Variants in ECT2L observed in about 807,000 individuals in gnomAD.
The protein encoded by ECT2L is epithelial cell transforming 2 like.
ECT2L carries 126 observed loss-of-function variants against 122.8 expected under a neutral mutation model. The observed-to-expected ratio is 1.03, with a 90% CI of 0.89 to 1.19. ECT2L has a LOEUF of 1.19. Ranked by LOEUF, ECT2L falls within the 50% of genes most tolerant of loss-of-function variation. The probability of loss-of-function intolerance (pLI) is 0.00; values close to 1 mark genes in which losing one functional copy is unlikely to be tolerated. For synonymous variants in ECT2L, 385 were observed against 381.8 expected (o/e 1.01, Z -0.10); for missense variants, 1,012 against 1,064.1 (o/e 0.95, Z 0.68).
intron 18 of ECT2L, 109 bp downstream of exon 18, chr6:138,885,939 T>C: frequency 1.8e-6 from 2 of 1,127,874 alleles, no homozygotes; most frequent in Non-Finnish European, 2.5e-6. Context: ...TTCTTCGCTT[T>C]AAAGTCTTTC....
chr6:138,821,879 T>C (rs1776279720), intron 4 of ECT2L, among the ~76,000 whole-genome samples: 1 of 152,186 alleles, frequency 6.6e-6, no homozygotes, highest in South Asian at 2.1e-4. Flanking sequence ...CCGAAGAGGC[T>C]CCACTGCTGG....
chr6:138,870,234 A>C (rs913476081), intron 13 of ECT2L: 7 of 152,664 alleles, frequency 4.6e-5, no homozygotes, highest in Admixed American at 2.0e-4. Context: ...TGCTGAAGAA[A>C]TGTGGCAAAA....
intron 5 of ECT2L, among the ~76,000 whole-genome samples, chr6:138,841,581 T>C (rs1583578525): frequency 6.6e-6 from 1 of 152,360 alleles, no homozygotes; most frequent in South Asian, 2.1e-4. Context: ...TGTCCTTTCT[T>C]CCCTGTGAGA....
At chr6:138,898,595 A>ATCT (rs1677859104) in intron 20 of ECT2L, among the ~76,000 whole-genome samples, 12 of 152,206 alleles carry the variant, frequency 7.9e-5, no homozygotes, top group Admixed American at 7.9e-4. Context: ...ATCACCAGAG[A>ATCT]GCTTGCCAGA....
intron 14 of ECT2L, chr6:138,879,506 C>G (rs980478074): frequency 1.3e-5 from 2 of 152,046 alleles, no homozygotes; most frequent in Admixed American, 6.6e-5. Context: ...TAAAGATGCT[C>G]ATTTTATAGC....
intron 4 of ECT2L, among the ~76,000 whole-genome samples, chr6:138,831,211 C>T (rs911067570): frequency 9.2e-5 from 14 of 152,212 alleles, no homozygotes; most frequent in East Asian, 1.9e-4. Flanking sequence ...TTATTTCTGG[C>T]CTGGGCTATG....
At chr6:138,887,095 A>G (rs1178339123) in intron 19 of ECT2L, among the ~76,000 whole-genome samples, 173 bp downstream of exon 19, 1 of 152,186 alleles carries the variant, frequency 6.6e-6, no homozygotes, top group Non-Finnish European at 1.5e-5. Context: ...AGGTTGCTCT[A>G]TAAGAAGGGG....
In ECT2L at chr6:138,854,058, C is replaced by G; in HGVS notation, c.1102C>G (p.Pro368Ala). 1 of 1,614,024 alleles carries G rather than the reference C, an allele frequency of 6.2e-7. No homozygotes were observed. Among genetic ancestry groups the G allele is most frequent in the African/African-American group, 1.3e-5 (1 of 74,966 alleles). The change falls in exon 10 of 22, where the codon CCT becomes GCT. Residue 368 changes from proline to alanine, a missense_variant. Coordinates refer to ENST00000541398, the MANE Select transcript of ECT2L (RefSeq NM_001077706.3). ...AATTGGTGTTAAAAATTTACTGAGG[C>G]CTGAAGTGAGAGATTTCTGGGAGAA... ...YKIGVKNLLR[P>A]EVRDFWEKLG...
intron 1 of ECT2L, among the ~76,000 whole-genome samples, chr6:138,810,583 G>A (rs1775860738): frequency 1.3e-5 from 2 of 152,150 alleles, no homozygotes; most frequent in Non-Finnish European, 2.9e-5. Flanking sequence ...CATTGTCAAG[G>A]GAATCCCTGG....
Position 138,843,144 on chromosome 6 carries a change from C to T in ECT2L, c.508C>T (p.Pro170Ser), listed in dbSNP as rs1165374039. Residue 170 changes from proline (P) to serine (S), a missense_variant, in exon 6 of 22, where the codon CCC (proline) becomes TCC (serine). By Grantham distance (74) the Pro-to-Ser change is moderately conservative (BLOSUM62 -1). Coordinates refer to ENST00000541398, the MANE Select transcript of ECT2L (RefSeq NM_001077706.3). The stretch of plus-strand genomic sequence containing the variant: ...TGCTACTTATGGGACGCTGAATGAA[C>T]CCAAAACAGAAGATGAGGAACTACT... Reference protein sequence around the residue: ...AAATYGTLNEPKTEDEELLER... With the variant: ...AAATYGTLNESKTEDEELLER... The T allele has an allele frequency of 1.2e-6, 2 of 1,613,862 alleles. No homozygotes were observed. The highest frequency in any genetic ancestry group is 1.1e-5 in the South Asian group (1 of 91,040).
At chr6:138,843,851 T>G (rs991754285) in intron 6 of ECT2L, among the ~76,000 whole-genome samples, 1 of 151,974 alleles carries the variant, frequency 6.6e-6, no homozygotes, top group Non-Finnish European at 1.5e-5. Flanking sequence ...CACCATGCCT[T>G]GCTAATTTTT....
chr6:138,830,862 A>G (rs1776626515), intron 4 of ECT2L, among the ~76,000 whole-genome samples: 1 of 151,766 alleles, frequency 6.6e-6, no homozygotes. Context: ...CTTGATCCAT[A>G]CCCAGGCTTT....
At chr6:138,848,842 C>A in intron 8 of ECT2L, among the ~76,000 whole-genome samples, 1 of 152,158 alleles carries the variant, frequency 6.6e-6, no homozygotes, top group East Asian at 1.9e-4. Context: ...TTTGTAGAGA[C>A]AGGGGTTTCC....
At chr6:138,885,022 C>CT (rs34579502) in intron 16 of ECT2L, among the ~76,000 whole-genome samples, 5,523 of 78,692 alleles carry the variant, frequency 0.07, 466 homozygotes, top group African/African-American at 0.15. Context: ...AACACACATT[C>CT]TTTTTTTTTT....
intron 20 of ECT2L, among the ~76,000 whole-genome samples, chr6:138,890,029 A>G (rs1396802462): frequency 6.6e-6 from 1 of 152,220 alleles, no homozygotes; most frequent in Non-Finnish European, 1.5e-5. Context: ...ATGAACAAAC[A>G]TGACTATGTT....
At chr6:138,804,582 A>AACACACACACAC (rs367560936) in intron 1 of ECT2L, among the ~76,000 whole-genome samples, 1,735 of 146,438 alleles carry the variant, frequency 0.012, 38 homozygotes, top group African/African-American at 0.041. Context: ...TGAAGTTTTA[A>AACACACACACAC]ACACACACAC....
At chr6:138,822,943 A>G in intron 4 of ECT2L, 6 of 1,613,354 alleles carry the variant, frequency 3.7e-6, no homozygotes, top group Non-Finnish European at 5.1e-6. Flanking sequence ...GTGGCAATTT[A>G]TGCCTATTAC....
chr6:138,854,891 G>A (rs1335011007), intron 10 of ECT2L, among the ~76,000 whole-genome samples: 1 of 152,126 alleles, frequency 6.6e-6, no homozygotes. Flanking sequence ...TTGGAGATCT[G>A]TTCAATAAAA....
At chr6:138,893,475 C>G (rs1779109461) in intron 20 of ECT2L, among the ~76,000 whole-genome samples, 1 of 151,780 alleles carries the variant, frequency 6.6e-6, no homozygotes, top group African/African-American at 2.4e-5. Context: ...GACTGGAATG[C>G]AGTGGCCTGA....
Sources: gnomAD v4.1 joint callset for allele counts (sites outside exome capture counted in the v4.1 genomes callset) on GRCh38, gnomAD v4.1.1 for gene constraint, MANE v1.5 for transcripts, NCBI Gene and HGNC (gene_info 2026-07-23, HGNC 2026-07-21) for gene names.